Variants in CHSY1 observed in about 807,000 individuals in gnomAD.
The protein encoded by CHSY1 is chondroitin sulfate synthase 1.
CHSY1 carries 13 observed loss-of-function variants against 59.8 expected under a neutral mutation model. The observed-to-expected ratio is 0.22, with a 90% CI of 0.14 to 0.35. CHSY1 has a LOEUF of 0.35. Among genes scored for constraint, CHSY1 ranks in the 10% least tolerant of loss-of-function variants. The probability of loss-of-function intolerance (pLI) is 1.00; values close to 1 mark genes in which losing one functional copy is unlikely to be tolerated. For missense variants in CHSY1, 947 were observed against 1,030.6 expected (o/e 0.92, Z 1.11); for synonymous variants, 459 against 401.2 (o/e 1.14, Z -1.72).
intron 1 of CHSY1, among the ~76,000 whole-genome samples, chr15:101,248,709 T>G (rs995125267): frequency 2.0e-5 from 3 of 152,242 alleles, no homozygotes; most frequent in African/African-American, 7.2e-5. Flanking sequence ...AGGCCAAAAG[T>G]AAGAGCGTTA....
At position 101,189,881 on chromosome 15, in the gene CHSY1, C is replaced by A. The variant is rs74684346; in HGVS notation, c.817-10901G>T. Among the ~76,000 whole-genome samples, 641 of 152,342 alleles carry A rather than the reference C, an allele frequency of 4.2e-3. 4 individuals carry two copies. Among genetic ancestry groups the A allele is most frequent in the Non-Finnish European group, 7.6e-3 (515 of 68,034 alleles). On this transcript the variant is annotated intron_variant, in intron 2 of 2. Transcript: ENST00000254190. ...GGGGACAGCACAGTGGCGCTGTGGG[C>A]GGGGAGCAAGGGTTCCCGCAGCCCA...
chr15:101,242,824 G>A (rs2039015318), intron 1 of CHSY1, among the ~76,000 whole-genome samples: 1 of 152,226 alleles, frequency 6.6e-6, no homozygotes, highest in Non-Finnish European at 1.5e-5. Context: ...TTCTGTGCAT[G>A]TGGTTTCCGG....
chr15:101,241,586 G>A (rs760737755), intron 1 of CHSY1, among the ~76,000 whole-genome samples: 1 of 152,198 alleles, frequency 6.6e-6, no homozygotes, highest in Non-Finnish European at 1.5e-5. Context: ...GAAAAATGGA[G>A]TAAGATTGAG....
intron 2 of CHSY1, among the ~76,000 whole-genome samples, chr15:101,201,057 T>A (rs1393961597): frequency 8.3e-6 from 1 of 120,474 alleles, no homozygotes; most frequent in East Asian, 2.9e-4. Context: ...ATATCCAATA[T>A]CCCACTGCCC....
intron 1 of CHSY1, among the ~76,000 whole-genome samples, chr15:101,237,239 A>C (rs940641996): frequency 3.3e-5 from 5 of 151,236 alleles, no homozygotes; most frequent in East Asian, 1.9e-4. Context: ...AAAAAAAAAA[A>C]AAAAAAAAAC....
chr15:101,244,695 G>A (rs2039034329), intron 1 of CHSY1, among the ~76,000 whole-genome samples: 2 of 152,192 alleles, frequency 1.3e-5, no homozygotes, highest in Admixed American at 6.5e-5. Context: ...AACACAGAAG[G>A]GCTTTGTACT....
intron 2 of CHSY1, among the ~76,000 whole-genome samples, chr15:101,233,914 A>T (rs1036200447): frequency 6.6e-6 from 1 of 152,242 alleles, no homozygotes; most frequent in Non-Finnish European, 1.5e-5. Context: ...AAAAAAGCTA[A>T]CAGTTCATAT....
In CHSY1 at chr15:101,178,869, G is replaced by A; in HGVS notation, c.928C>T (p.Pro310Ser). ...AITLHPNKNP[P>S]YQYRLHSYML... ...TAGCTGTGGAGCCTGTACTGGTAGG[G>A]TGGGTTTTTGTTGGGGTGTAATGTG... The change falls in exon 3 of 3, where the codon CCC (proline) becomes TCC (serine). Residue 310 changes from proline (P) to serine (S), a missense_variant. By Grantham distance (74) the Pro-to-Ser change is moderately conservative. Around this residue, in one of 4 missense-constraint regions of CHSY1, gnomAD observed 602 missense variants for 676.9 expected, o/e 0.89. Coordinates refer to ENST00000254190, the MANE Select transcript of CHSY1 (RefSeq NM_014918.5). 1 of 1,614,192 alleles carries A rather than the reference G, an allele frequency of 6.2e-7. No homozygotes were observed. The highest frequency in any genetic ancestry group is 2.2e-5 in the East Asian group (1 of 44,886).
chr15:101,196,841 T>C (rs2038512709), intron 2 of CHSY1, among the ~76,000 whole-genome samples: 1 of 152,168 alleles, frequency 6.6e-6, no homozygotes, highest in Non-Finnish European at 1.5e-5. Context: ...CTAAGAAATA[T>C]AGCAAGACCT....
Position 101,218,249 on chromosome 15 carries a change from T to C in CHSY1, c.816+16833A>G, listed in dbSNP as rs934430493. On this transcript the variant is annotated intron_variant, in intron 2 of 2. Transcript: ENST00000254190. ...TAGAAAAAAGACAGCAGGTCAAAGC[T>C]AAGGACATTTAAATAAAGTATAGAT... is the stretch of plus-strand genomic sequence containing the variant. Among the ~76,000 whole-genome samples the C allele has an allele frequency of 2.0e-5, 3 of 152,214 alleles. No homozygotes were observed. The East Asian group carries it at 5.8e-4, about 29-fold the overall frequency.
chr15:101,219,881 C>T (rs960925473), intron 2 of CHSY1, among the ~76,000 whole-genome samples: 1 of 152,314 alleles, frequency 6.6e-6, no homozygotes, highest in East Asian at 1.9e-4. Flanking sequence ...ATTATCCTGC[C>T]TCAGCCTCCC....
Position 101,178,966 on chromosome 15 carries a change from A to C in CHSY1, c.831T>G (p.Phe277Leu), listed in dbSNP as rs1596420025. 1.9e-6 allele frequency: 3 copies of C among 1,614,038 alleles called. No individual in the cohort carries two copies. The highest frequency in any genetic ancestry group is 2.5e-6 in the Non-Finnish European group (3 of 1,180,010). The change falls in exon 3 of 3, where the codon TTT becomes TTG. Residue 277 changes from phenylalanine (F) to leucine (L), a missense_variant. Physicochemically the swap from Phe to Leu is conservative, Grantham distance 22 (BLOSUM62 0). Around this residue, in one of 4 missense-constraint regions of CHSY1, gnomAD observed 602 missense variants for 676.9 expected, o/e 0.89. Transcript: ENST00000254190. ...CVWSYEMQQL[F>L]YENYEQNKKG... is the part of the protein sequence containing the mutation. ...TTTTGTTCTGCTCGTAATTCTCATA[A>C]AAAAGCTGCTGCATCTGTTACAGGA...
At chr15:101,188,341 CG>C (rs1567089243) in intron 2 of CHSY1, 1 of 239,580 alleles carries the variant, frequency 4.2e-6, no homozygotes, top group East Asian at 1.8e-4. Flanking sequence ...GTAGGCTCCA[CG>C]GGTAACTTAC....
intron 1 of CHSY1, among the ~76,000 whole-genome samples, chr15:101,241,759 G>A (rs1357001235): frequency 1.3e-5 from 2 of 152,196 alleles, no homozygotes; most frequent in Non-Finnish European, 2.9e-5. Context: ...CATCTTGGAA[G>A]TTAAAGAAGG....
At chr15:101,201,216 G>C (rs935352001) in intron 2 of CHSY1, among the ~76,000 whole-genome samples, 1 of 152,200 alleles carries the variant, frequency 6.6e-6, no homozygotes, top group Non-Finnish European at 1.5e-5. Flanking sequence ...AATGGGTATA[G>C]AGTAGAATCA....
intron 2 of CHSY1, among the ~76,000 whole-genome samples, chr15:101,232,712 A>G (rs2038903391): frequency 6.6e-6 from 1 of 152,264 alleles, no homozygotes; most frequent in Non-Finnish European, 1.5e-5. Context: ...CTGAGAAAAG[A>G]TACTCTATCC....
Position 101,202,160 on chromosome 15 carries a change from G to A in CHSY1, c.817-23180C>T, listed in dbSNP as rs535653562. 7.7e-3 allele frequency among the ~76,000 whole-genome samples: 1,102 copies of A among 143,292 alleles called. 3 individuals carry two copies. Among genetic ancestry groups the A allele is most frequent in the African/African-American group, 0.028 (1,043 of 37,886 alleles). 94.0% of individuals were successfully genotyped at this position (143,292 alleles called of 152,430 possible). ...GGGAAGGATGGAGGGCATTTCTGCAGGGGGGGCAGTGGGATCTCAGACACA... is the reference window on the plus strand; with the variant it reads ...GGGAAGGATGGAGGGCATTTCTGCAAGGGGGGCAGTGGGATCTCAGACACA... On this transcript the variant is annotated intron_variant, in intron 2 of 2. Coordinates refer to ENST00000254190, the MANE Select transcript of CHSY1 (RefSeq NM_014918.5).
intron 1 of CHSY1, among the ~76,000 whole-genome samples, chr15:101,243,562 C>CA (rs1222053384): frequency 6.6e-6 from 1 of 152,214 alleles, no homozygotes; most frequent in African/African-American, 2.4e-5. Context: ...CCATCCCACA[C>CA]ACGCGCCTCC....
chr15:101,193,383 A>G (rs1001661875), intron 2 of CHSY1, among the ~76,000 whole-genome samples: 1 of 152,226 alleles, frequency 6.6e-6, no homozygotes, highest in African/African-American at 2.4e-5. Flanking sequence ...GGGCCAGGGA[A>G]GCTTTCCAGA....
Sources: gnomAD v4.1 joint callset for allele counts (sites outside exome capture counted in the v4.1 genomes callset) on GRCh38, gnomAD v4.1.1 for gene constraint, gnomAD v4.1.1 regional missense constraint, MANE v1.5 for transcripts, NCBI Gene and HGNC (gene_info 2026-07-23, HGNC 2026-07-21) for gene names.